Variants in ASCC3 observed in about 807,000 individuals in gnomAD.
ASCC3 encodes the protein activating signal cointegrator 1 complex subunit 3.
Under a neutral mutation model 256.3 loss-of-function variants are expected in ASCC3, and 158 were observed. The ratio of observed to expected loss-of-function variants is 0.62; its 90% confidence interval spans 0.54 to 0.70. The LOEUF is 0.70. ASCC3 is among the 30% of genes least tolerant of loss of function. The probability of loss-of-function intolerance (pLI) is 0.00; values close to 1 mark genes in which losing one functional copy is unlikely to be tolerated. For synonymous variants in ASCC3, 948 were observed against 883.4 expected (o/e 1.07, Z -1.30); for missense variants, 2,259 against 2,626.0 (o/e 0.86, Z 3.05).
intron 36 of ASCC3, among the ~76,000 whole-genome samples, chr6:100,558,310 T>C (rs1026798761): frequency 1.3e-5 from 2 of 152,096 alleles, no homozygotes; most frequent in Non-Finnish European, 2.9e-5. Context: ...AAAAGCATTG[T>C]ACCCTGCTTT....
chr6:100,756,764 AG>A (rs1477031335), intron 10 of ASCC3, among the ~76,000 whole-genome samples: 1 of 152,156 alleles, frequency 6.6e-6, no homozygotes. Context: ...TATAACTATT[AG>A]TAAGAATACT....
Position 100,540,406 on chromosome 6 carries a change from C to T in ASCC3, c.5551-19G>A. 1 of 1,476,612 alleles carries T rather than the reference C, an allele frequency of 6.8e-7. No homozygotes were observed. Among genetic ancestry groups the T allele is most frequent in the Non-Finnish European group, 9.5e-7 (1 of 1,057,726 alleles). The allele number at this position is 1,476,612 out of a possible 1,614,324, so 91.5% of individuals were successfully genotyped here. A position where few individuals can be genotyped will look rare whatever the true frequency, so the allele number is the denominator to read the frequency against. Reference sequence around the variant, plus strand: ...CTGCATCCTGAAAAAAAAAAAAAGCCCCACATTGTTGGATCAAAGTATAAT... The same window carrying T: ...CTGCATCCTGAAAAAAAAAAAAAGCTCCACATTGTTGGATCAAAGTATAAT... On this transcript the variant is annotated intron_variant, in intron 36 of 41. Transcript: ENST00000369162.
Position 100,551,881 on chromosome 6 carries a change from T to C in ASCC3, c.5551-11494A>G, listed in dbSNP as rs532956135. 2.0e-5 allele frequency among the ~76,000 whole-genome samples: 3 copies of C among 151,956 alleles called. No individual in the cohort carries two copies. The South Asian group carries it at 6.2e-4, about 31-fold the overall frequency. On this transcript the variant is annotated intron_variant, in intron 36 of 41. Transcript: ENST00000369162. ...AAAGAATGTGGTAGTAAGTAACTCATCCCTTTAGAGATATTATAGATCTCT... is the reference window on the plus strand; with the variant it reads ...AAAGAATGTGGTAGTAAGTAACTCACCCCTTTAGAGATATTATAGATCTCT...
chr6:100,737,693 T>A (rs564601369), intron 10 of ASCC3, among the ~76,000 whole-genome samples: 12 of 152,328 alleles, frequency 7.9e-5, no homozygotes, highest in African/African-American at 2.2e-4. Context: ...TGAACATACA[T>A]GTACATGTAT....
chr6:100,709,280 C>T (rs1301357601), intron 13 of ASCC3, among the ~76,000 whole-genome samples: 2 of 152,156 alleles, frequency 1.3e-5, no homozygotes, highest in Non-Finnish European at 2.9e-5. Flanking sequence ...ATAATCACTA[C>T]AGTAGCATAA....
At chr6:100,725,515 A>C in intron 11 of ASCC3, 24 bp downstream of exon 11, 4 of 1,609,772 alleles carry the variant, frequency 2.5e-6, no homozygotes, top group Non-Finnish European at 3.4e-6. Context: ...CTTCAAAATA[A>C]GCTTATACAT....
chr6:100,782,289 G>A (rs1782489065), intron 8 of ASCC3, among the ~76,000 whole-genome samples: 1 of 152,104 alleles, frequency 6.6e-6, no homozygotes, highest in African/African-American at 2.4e-5. Context: ...AAATACTAAT[G>A]CATCACATGT....
At position 100,508,214 on chromosome 6, in the gene ASCC3, A is replaced by C. The variant is rs1461243632; in HGVS notation, c.*1172T>G. 6.6e-6 allele frequency: 1 copy of C among 152,158 alleles called. No individual in the cohort carries two copies. The allele number at this position is 152,158 out of a possible 1,614,324, so 9.4% of individuals were successfully genotyped here. On this transcript the variant is annotated 3_prime_UTR_variant, in exon 42 of 42. Transcript: ENST00000369162. ...CTACATTTATTTCTTCTTCTTTTTT[A>C]TTTAAGCATGGAAAAGGATATATAC... is the stretch of plus-strand genomic sequence containing the variant.
chr6:100,650,016 A>G (rs1775577313), intron 20 of ASCC3, among the ~76,000 whole-genome samples: 1 of 151,640 alleles, frequency 6.6e-6, no homozygotes, highest in Admixed American at 6.6e-5. Flanking sequence ...CTCAATGTTT[A>G]AGTTTCAACA....
chr6:100,721,116 C>T (rs1264972417), intron 11 of ASCC3, among the ~76,000 whole-genome samples: 7 of 151,372 alleles, frequency 4.6e-5, no homozygotes, highest in East Asian at 1.9e-4. Context: ...AAAGGATTAG[C>T]ACTAAGACTA....
chr6:100,624,721 T>C (rs1208391658), intron 30 of ASCC3, among the ~76,000 whole-genome samples: 1 of 151,944 alleles, frequency 6.6e-6, no homozygotes, highest in East Asian at 1.9e-4. Flanking sequence ...AGAAAACCAC[T>C]ATGAAATAGT....
At chr6:100,554,503 G>A (rs1769470050) in intron 36 of ASCC3, among the ~76,000 whole-genome samples, 3 of 152,168 alleles carry the variant, frequency 2.0e-5, no homozygotes. Flanking sequence ...TGAGACTAAA[G>A]AAGCTTTATG....
chr6:100,804,017 A>T (rs890300448), intron 5 of ASCC3, among the ~76,000 whole-genome samples: 5 of 152,166 alleles, frequency 3.3e-5, no homozygotes. Context: ...GTTTCGCATC[A>T]GCTATGTTTT....
chr6:100,698,126 G>A (rs995360834), intron 13 of ASCC3, among the ~76,000 whole-genome samples: 7 of 152,106 alleles, frequency 4.6e-5, no homozygotes, highest in African/African-American at 1.4e-4. Context: ...AAAGATAGGA[G>A]TATTAGGTGT....
intron 1 of ASCC3, among the ~76,000 whole-genome samples, chr6:100,869,896 T>G (rs1003523989): frequency 1.3e-5 from 2 of 151,912 alleles, no homozygotes; most frequent in African/African-American, 2.4e-5. Flanking sequence ...CAAAAGGTAT[T>G]AGGAAGGGAT....
At chr6:100,800,228 C>G (rs1562305607) in intron 6 of ASCC3, 72 bp downstream of exon 6, 21 of 1,522,438 alleles carry the variant, frequency 1.4e-5, no homozygotes, top group Non-Finnish European at 1.6e-5. Context: ...TAAGACTAAA[C>G]TAAAAAGTGA....
intron 36 of ASCC3, among the ~76,000 whole-genome samples, chr6:100,583,344 T>C (rs1304342223): frequency 6.6e-6 from 1 of 152,236 alleles, no homozygotes; most frequent in Non-Finnish European, 1.5e-5. Context: ...AATTTATCCA[T>C]TTCTTCTAGA....
intron 10 of ASCC3, among the ~76,000 whole-genome samples, chr6:100,738,481 C>T (rs940438951): frequency 1.3e-5 from 2 of 152,176 alleles, no homozygotes; most frequent in African/African-American, 4.8e-5. Context: ...GGAATCCTTT[C>T]CCCACTGCTT....
chr6:100,798,270 A>G (rs1769733070), intron 8 of ASCC3, among the ~76,000 whole-genome samples: 1 of 152,160 alleles, frequency 6.6e-6, no homozygotes, highest in Admixed American at 6.6e-5. Context: ...AGTAATATTC[A>G]TGCCAATTTT....
Sources: gnomAD v4.1 joint callset for allele counts (sites outside exome capture counted in the v4.1 genomes callset) on GRCh38, gnomAD v4.1.1 for gene constraint, MANE v1.5 for transcripts, NCBI Gene and HGNC (gene_info 2026-07-23, HGNC 2026-07-21) for gene names.